Variants in ERC2 observed in about 807,000 individuals in gnomAD.
The protein encoded by ERC2 is ERC protein 2.
Under a neutral mutation model 114.8 loss-of-function variants are expected in ERC2, and 42 were observed. The ratio of observed to expected loss-of-function variants is 0.37; its 90% CI spans 0.29 to 0.47. The LOEUF (loss-of-function observed/expected upper bound fraction) is 0.47, where lower values mean the gene tolerates loss of function less well. Ranked by LOEUF, ERC2 falls within the 20% of genes least tolerant of loss-of-function variation. The pLI, the probability that ERC2 is intolerant of heterozygous loss-of-function variation, is 0.99. For missense variants in ERC2, 939 were observed against 1,150.7 expected, an observed-to-expected ratio of 0.82 and a Z score of 2.66; for synonymous variants, 454 against 425.5, an observed-to-expected ratio of 1.07 and a Z score of -0.82.
intron 12 of ERC2, among the ~76,000 whole-genome samples, chr3:55,976,663 A>G (rs1313544320): frequency 2.6e-5 from 4 of 152,162 alleles, no homozygotes; most frequent in Non-Finnish European, 5.9e-5. Context: ...GTGAACTTAG[A>G]CAAACCTAAC....
At chr3:56,371,696 G>A (rs2059368837) in intron 2 of ERC2, among the ~76,000 whole-genome samples, 2 of 152,206 alleles carry the variant, frequency 1.3e-5, no homozygotes, top group South Asian at 4.1e-4. Context: ...CAAGGGCTCA[G>A]GTTCAGCTGC....
intron 2 of ERC2, among the ~76,000 whole-genome samples, chr3:56,313,967 A>G (rs2056743558): frequency 6.6e-6 from 1 of 152,196 alleles, no homozygotes; most frequent in Non-Finnish European, 1.5e-5. Context: ...GACTATATAT[A>G]AGACTCAGGT....
At chr3:56,066,028 T>G (rs1043953892) in intron 7 of ERC2, among the ~76,000 whole-genome samples, 2 of 152,216 alleles carry the variant, frequency 1.3e-5, no homozygotes, top group Non-Finnish European at 2.9e-5. Flanking sequence ...TGTATCTTTA[T>G]AGCAGAACGA....
At chr3:56,178,739 T>C (rs1024062601) in intron 3 of ERC2, among the ~76,000 whole-genome samples, 2 of 152,166 alleles carry the variant, frequency 1.3e-5, no homozygotes, top group African/African-American at 4.8e-5. Flanking sequence ...CCAGCCTTCA[T>C]AGTTGTTTGT....
chr3:56,048,874 A>T (rs1459661109), intron 7 of ERC2, among the ~76,000 whole-genome samples: 1 of 152,164 alleles, frequency 6.6e-6, no homozygotes, highest in Non-Finnish European at 1.5e-5. Context: ...ACAAAAATAA[A>T]CCAGTTCAGG....
chr3:55,539,375 A>C (rs6771013), intron 17 of ERC2, among the ~76,000 whole-genome samples: 97,602 of 133,178 alleles, frequency 0.73, 34,343 homozygotes, highest in East Asian at 0.93. Flanking sequence ...CTTTTCTTTT[A>C]TTTTCTTTTT....
intron 13 of ERC2, among the ~76,000 whole-genome samples, chr3:55,936,707 C>T (rs1045542120): frequency 6.6e-5 from 10 of 152,058 alleles, no homozygotes; most frequent in Non-Finnish European, 2.9e-5. Context: ...GTGAGGGAAA[C>T]AATGGGAGGA....
In ERC2 at chr3:55,666,913, A is replaced by C. The variant is rs141236828; in HGVS notation, c.*39+16881T>G. On this transcript the variant is annotated intron_variant, in intron 17 of 17. Transcript: ENST00000288221. ...TCTTCTCTTTAACATGTAACTAATA[A>C]TAGCACACGCCTATTAATATACATA... 4.1e-3 allele frequency among the ~76,000 whole-genome samples: 388 copies of C among 95,172 alleles called. 2 individuals are homozygous for C. Among genetic ancestry groups the C allele is most frequent in the African/African-American group, 0.016 (368 of 23,712 alleles). The allele number at this position is 95,172 out of a possible 152,430, so 62.4% of individuals were successfully genotyped here.
At chr3:55,752,927 G>A (rs981957690) in intron 14 of ERC2, among the ~76,000 whole-genome samples, 3 of 152,142 alleles carry the variant, frequency 2.0e-5, no homozygotes, top group Non-Finnish European at 2.9e-5. Flanking sequence ...CAATGCTGCC[G>A]TCAGTAAGAG....
chr3:55,732,632 CT>C (rs1170315642), intron 15 of ERC2, among the ~76,000 whole-genome samples: 1 of 152,140 alleles, frequency 6.6e-6, no homozygotes, highest in Non-Finnish European at 1.5e-5. Flanking sequence ...TTAAAAATTC[CT>C]TACTGGGAAA....
intron 5 of ERC2, among the ~76,000 whole-genome samples, chr3:56,146,504 T>C (rs911050003): frequency 9.2e-5 from 14 of 152,214 alleles, no homozygotes; most frequent in African/African-American, 3.4e-4. Flanking sequence ...TTGTATTTCT[T>C]AGAAATCCAT....
chr3:56,425,652 T>G (rs969897720), intron 2 of ERC2, among the ~76,000 whole-genome samples: 8 of 150,666 alleles, frequency 5.3e-5, no homozygotes, highest in Non-Finnish European at 8.8e-5. Flanking sequence ...AGTAAGGAAG[T>G]TTCTTCATTT....
intron 14 of ERC2, among the ~76,000 whole-genome samples, chr3:55,864,160 T>C (rs866809228): frequency 3.4e-5 from 4 of 117,258 alleles, no homozygotes; most frequent in Admixed American, 8.0e-5. Context: ...TATATACACA[T>C]ATATATACAC....
At chr3:55,740,828 C>T (rs1293379455) in intron 14 of ERC2, among the ~76,000 whole-genome samples, 5 of 152,110 alleles carry the variant, frequency 3.3e-5, no homozygotes, top group Admixed American at 6.6e-5. Context: ...GGTTGAACAT[C>T]CCAAATCCAA....
chr3:56,446,630 T>C (rs1462957114), intron 1 of ERC2, among the ~76,000 whole-genome samples: 2 of 138,858 alleles, frequency 1.4e-5, no homozygotes, highest in African/African-American at 2.7e-5. Flanking sequence ...TTTTTCTTTC[T>C]TTTTTTTTTT....
chr3:55,912,044 G>T (rs1422586638), intron 13 of ERC2, among the ~76,000 whole-genome samples: 1 of 152,150 alleles, frequency 6.6e-6, no homozygotes, highest in African/African-American at 2.4e-5. Flanking sequence ...TCTACCAAAG[G>T]GAACCAGTTA....
intron 14 of ERC2, among the ~76,000 whole-genome samples, chr3:55,749,632 T>G (rs921892551): frequency 6.6e-6 from 1 of 152,122 alleles, no homozygotes; most frequent in African/African-American, 2.4e-5. Flanking sequence ...ATCAGCAGGA[T>G]TCTAAAAGTA....
At chr3:55,901,128 G>A (rs1165112824) in intron 13 of ERC2, among the ~76,000 whole-genome samples, 8 of 152,210 alleles carry the variant, frequency 5.3e-5, no homozygotes, top group Non-Finnish European at 1.0e-4. Context: ...ATGCGTGGAT[G>A]AACATAAATT....
chr3:55,642,549 G>T (rs1270849088), intron 17 of ERC2, among the ~76,000 whole-genome samples: 3 of 152,036 alleles, frequency 2.0e-5, no homozygotes, highest in Non-Finnish European at 4.4e-5. Context: ...TGGCCAGTCT[G>T]GTCTCGAACT....
Sources: gnomAD v4.1 joint callset for allele counts (sites outside exome capture counted in the v4.1 genomes callset) on GRCh38, gnomAD v4.1.1 for gene constraint, MANE v1.5 for transcripts, NCBI Gene and HGNC (gene_info 2026-07-23, HGNC 2026-07-21) for gene names.